CSNK1A1: variants seen among roughly 807,000 people sequenced by gnomAD.
The protein encoded by CSNK1A1 is casein kinase I isoform alpha.
Under a neutral mutation model 46.1 loss-of-function variants are expected in CSNK1A1, and 7 were observed. That is an observed-to-expected ratio of 0.15 (90% CI 0.09 to 0.29). The LOEUF is 0.29. CSNK1A1 is among the 10% of genes least tolerant of loss of function. The pLI is 1.00. For missense variants in CSNK1A1, 96 were observed against 417.1 expected (o/e 0.23, Z 6.71); for synonymous variants, 137 against 141.5 (o/e 0.97, Z 0.23).
Position 149,520,367 on chromosome 5 carries a change from C to T in CSNK1A1, c.379G>A (p.Val127Met). The T allele has an allele frequency of 1.2e-6, 2 of 1,602,060 alleles. No individual in the cohort carries two copies. Among genetic ancestry groups the T allele is most frequent in the Non-Finnish European group, 1.7e-6 (2 of 1,170,270 alleles). The change falls in exon 4 of 10, where the codon GTG becomes ATG. Residue 127 changes from valine to methionine, a missense_variant. Coordinates refer to ENST00000377843, the MANE Select transcript of CSNK1A1 (RefSeq NM_001892.6). Reference protein sequence around the residue: ...ADQMISRIEYVHTKNFIHRDI... With the variant: ...ADQMISRIEYMHTKNFIHRDI... ...CTGTGTATAAAATTCTTTGTATGCA[C>T]ATATTCAATTCTACTGATCATCTGG...
At chr5:149,504,643 A>G (rs149675686) in intron 9 of CSNK1A1, 4 of 985,432 alleles carry the variant, frequency 4.1e-6, no homozygotes, top group East Asian at 2.3e-4. Context: ...TAGAAAGGAA[A>G]TAAGACTAGC....
intron 4 of CSNK1A1, among the ~76,000 whole-genome samples, chr5:149,513,704 A>G (rs1481048512): frequency 6.6e-6 from 1 of 152,128 alleles, no homozygotes; most frequent in Non-Finnish European, 1.5e-5. Flanking sequence ...GTTCAAGACC[A>G]GCCTGACCAA....
At chr5:149,498,428 T>C (rs1479978214) in intron 9 of CSNK1A1, 7 of 985,262 alleles carry the variant, frequency 7.1e-6, no homozygotes, top group East Asian at 2.3e-4. Flanking sequence ...CTTTTAAAGG[T>C]TGTCAAACCA....
At chr5:149,532,145 T>C (rs759446074) in intron 2 of CSNK1A1, among the ~76,000 whole-genome samples, 15 of 152,064 alleles carry the variant, frequency 9.9e-5, no homozygotes, top group Non-Finnish European at 2.2e-4. Context: ...TCCTAAAATG[T>C]TGGGATTACT....
intron 2 of CSNK1A1, among the ~76,000 whole-genome samples, chr5:149,535,038 A>G (rs1403993159): frequency 1.3e-5 from 2 of 152,120 alleles, no homozygotes; most frequent in Non-Finnish European, 2.9e-5. Flanking sequence ...TTATCCTCAG[A>G]CCCAATCATT....
intron 2 of CSNK1A1, among the ~76,000 whole-genome samples, chr5:149,541,494 A>C (rs1350806792): frequency 6.6e-6 from 1 of 152,120 alleles, no homozygotes; most frequent in African/African-American, 2.4e-5. Flanking sequence ...TGAGATTGAA[A>C]TTAGAAACAA....
At chr5:149,531,206 A>T (rs1442159558) in intron 2 of CSNK1A1, among the ~76,000 whole-genome samples, 3 of 152,162 alleles carry the variant, frequency 2.0e-5, no homozygotes, top group Non-Finnish European at 4.4e-5. Context: ...AATCAATTAT[A>T]GCGAAATTGA....
chr5:149,532,668 G>A (rs13189006), intron 2 of CSNK1A1, among the ~76,000 whole-genome samples: 43,247 of 151,972 alleles, frequency 0.28, 6,860 homozygotes, highest in East Asian at 0.62. Context: ...CAGCCTGGCG[G>A]TAAGAGCAAA....
intron 8 of CSNK1A1, among the ~76,000 whole-genome samples, chr5:149,505,853 TG>T (rs2113068558): frequency 6.6e-6 from 1 of 152,226 alleles, no homozygotes; most frequent in South Asian, 2.1e-4. Flanking sequence ...AATATTCAAC[TG>T]GAAGTTTGGG....
intron 9 of CSNK1A1, chr5:149,497,990 T>G: frequency 4.7e-6 from 3 of 638,884 alleles, no homozygotes; most frequent in Non-Finnish European, 5.8e-6. Context: ...CCTGCCACCA[T>G]GCCTGGCTAA....
chr5:149,542,592 T>TTTTATATATATATATATATATA (rs1238655894), intron 2 of CSNK1A1, among the ~76,000 whole-genome samples: 1 of 26,704 alleles, frequency 3.7e-5, no homozygotes, highest in Non-Finnish European at 6.8e-5. Context: ...AGATACAAAT[T>TTTTATATATATATATATATATA]TATATATATA....
intron 9 of CSNK1A1, chr5:149,498,451 AATCTGACT>A: frequency 1.0e-6 from 1 of 985,422 alleles, no homozygotes; most frequent in Non-Finnish European, 1.2e-6. Flanking sequence ...CCTTAATAAA[AATCTGACT>A]ATACCCTGTG....
In CSNK1A1 at chr5:149,494,237, T is replaced by C. The variant is rs1182737813; in HGVS notation, c.*2616A>G. The stretch of plus-strand genomic sequence containing the variant: ...ACAGGAAAAATCCTACTAAAAATAT[T>C]TGTTGATGGGAAATCATTGTGAAAG... On this transcript the variant is annotated 3_prime_UTR_variant, in exon 10 of 10. Coordinates refer to ENST00000377843, the MANE Select transcript of CSNK1A1 (RefSeq NM_001892.6). The C allele has an allele frequency of 6.6e-6, 1 of 152,194 alleles. No homozygotes were observed. The highest frequency in any genetic ancestry group is 1.5e-5 in the Non-Finnish European group (1 of 68,038). The allele number at this position is 152,194 out of a possible 1,614,324, so 9.4% of individuals were successfully genotyped here.
Position 149,525,083 on chromosome 5 carries a change from T to G in CSNK1A1, c.319A>C (p.Arg107=), listed in dbSNP as rs752288787. Residue 107 remains arginine (R), a synonymous_variant, in exon 3 of 10, where the codon AGG becomes CGG. Coordinates refer to ENST00000377843, the MANE Select transcript of CSNK1A1 (RefSeq NM_001892.6). The surrounding 1 kb of genome is among the most constrained non-coding windows in gnomAD (Gnocchi z 4.2). ...ATAAGTACAGTTTTCATTGTGAACC[T>G]TCTTGAACAGAAATTGAAGAGGTCT... ...LEDLFNFCSR[R]FTMKTVLMLA... 5 of 1,613,424 alleles carry G rather than the reference T, an allele frequency of 3.1e-6. No homozygotes were observed. In the South Asian group the frequency reaches 4.4e-5, roughly 14 times the overall value.
chr5:149,498,964 G>A (rs1454508549), intron 9 of CSNK1A1: 6 of 985,300 alleles, frequency 6.1e-6, no homozygotes, highest in African/African-American at 1.7e-5. Context: ...ACTGGTAAAA[G>A]GCTACCCTAA....
intron 2 of CSNK1A1, among the ~76,000 whole-genome samples, chr5:149,528,580 C>G (rs1190185101): frequency 6.6e-6 from 1 of 152,198 alleles, no homozygotes; most frequent in Non-Finnish European, 1.5e-5. Context: ...ACCTTCACCT[C>G]CATGCTTCCC....
At chr5:149,497,650 G>GA (rs1471280551) in intron 9 of CSNK1A1, 2 of 985,384 alleles carry the variant, frequency 2.0e-6, no homozygotes, top group Non-Finnish European at 2.4e-6. Flanking sequence ...GCAATAGCCT[G>GA]AAAATCTCTT....
intron 2 of CSNK1A1, chr5:149,529,754 G>A (rs958152708): frequency 4.4e-6 from 2 of 456,064 alleles, no homozygotes; most frequent in African/African-American, 4.0e-5. Context: ...ACTACAGTTT[G>A]TGGCTGAGAC....
chr5:149,493,396 T>G lies in CSNK1A1; in HGVS notation c.*3457A>C, dbSNP rs1435085302. 1 of 147,316 alleles carries G rather than the reference T, an allele frequency of 6.8e-6. No homozygotes were observed. The highest frequency in any genetic ancestry group is 1.5e-5 in the Non-Finnish European group (1 of 67,234). The allele number at this position is 147,316 out of a possible 1,614,324, so 9.1% of individuals were successfully genotyped here. On this transcript the variant is annotated 3_prime_UTR_variant, in exon 10 of 10. Coordinates refer to ENST00000377843, the MANE Select transcript of CSNK1A1 (RefSeq NM_001892.6). Reference sequence around the variant, plus strand: ...TTTTTTTTTTTTTAGATTTCCTTTGTGGCACCATAATAGAATGTTCCAGGT... The same window carrying G: ...TTTTTTTTTTTTTAGATTTCCTTTGGGGCACCATAATAGAATGTTCCAGGT...
Sources: gnomAD v4.1 joint callset for allele counts (sites outside exome capture counted in the v4.1 genomes callset) on GRCh38, gnomAD v4.1.1 for gene constraint, Gnocchi (gnomAD v3.1) non-coding constraint, MANE v1.5 for transcripts, NCBI Gene and HGNC (gene_info 2026-07-23, HGNC 2026-07-21) for gene names.